Variants in PLAGL1 observed in about 807,000 individuals in gnomAD.
The protein encoded by PLAGL1 is zinc finger protein PLAGL1.
PLAGL1 carries 1 observed loss-of-function variant against 4.6 expected under a neutral mutation model. The observed-to-expected ratio is 0.22, with a 90% CI of 0.08 to 1.03. The LOEUF is 1.03. Among genes scored for constraint, PLAGL1 ranks in the 50% least tolerant of loss-of-function variants. PLAGL1 has a pLI of 0.58. For synonymous variants in PLAGL1, 240 were observed against 237.8 expected (o/e 1.01, Z -0.08); for missense variants, 464 against 570.4 (o/e 0.81, Z 1.90).
chr6:144,020,731 C>A (rs1795905745), intron 1 of PLAGL1, among the ~76,000 whole-genome samples: 1 of 149,744 alleles, frequency 6.7e-6, no homozygotes, highest in South Asian at 2.1e-4. Context: ...CAGGTATGAG[C>A]CACTGCACCC....
intron 1 of PLAGL1, among the ~76,000 whole-genome samples, chr6:143,996,613 CTT>C (rs113499225): frequency 1.8e-3 from 239 of 133,604 alleles, no homozygotes; most frequent in South Asian, 8.4e-3. Context: ...TATTTATTCC[CTT>C]TTTTTTTTTT....
rs572445785 is a variant in PLAGL1, at chr6:143,980,148, C to A, written c.-544+4987G>T. On this transcript the variant is annotated intron_variant, in intron 2 of 7. Transcript: ENST00000674357. ...TCTGCTTTAAAATCTGTCTTTACTA[C>A]TGGTTTTAAACTATTTGATTACGGT... 4.6e-5 allele frequency among the ~76,000 whole-genome samples: 7 copies of A among 152,192 alleles called. No individual in the cohort carries two copies. In the South Asian group the frequency reaches 8.3e-4, roughly 18 times the overall value.
intron 2 of PLAGL1, 114 bp from the exon 3 acceptor site, chr6:143,969,092 G>T (rs1784949571): frequency 1.3e-5 from 2 of 151,862 alleles, no homozygotes; most frequent in South Asian, 4.2e-4. Context: ...AAGGATACCA[G>T]GGGTCAAAAA....
chr6:143,981,025 G>T (rs1392344357), intron 2 of PLAGL1, among the ~76,000 whole-genome samples: 1 of 152,198 alleles, frequency 6.6e-6, no homozygotes, highest in Non-Finnish European at 1.5e-5. Flanking sequence ...GGGCAGAAGT[G>T]AGTAGTTAAA....
At chr6:144,062,694 T>G (rs1205645131) in intron 1 of PLAGL1, among the ~76,000 whole-genome samples, 1 of 152,102 alleles carries the variant, frequency 6.6e-6, no homozygotes, top group African/African-American at 2.4e-5. Context: ...TTGCAGCCTG[T>G]TTTCACATTA....
intron 1 of PLAGL1, among the ~76,000 whole-genome samples, chr6:144,001,245 C>G: frequency 6.6e-6 from 1 of 151,666 alleles, no homozygotes; most frequent in East Asian, 1.9e-4. Context: ...GAAAAAATCC[C>G]AATGCCAAAG....
chr6:143,996,708 T>C (rs946124486), intron 1 of PLAGL1, among the ~76,000 whole-genome samples: 1 of 148,908 alleles, frequency 6.7e-6, no homozygotes, highest in African/African-American at 2.5e-5. Context: ...AGAACAAGGA[T>C]ATAGAACTTA....
chr6:143,941,548 T>C lies in PLAGL1; in HGVS notation c.1268A>G (p.Gln423Arg). 6.4e-7 allele frequency: 1 copy of C among 1,567,960 alleles called. No individual in the cohort carries two copies. The highest frequency in any genetic ancestry group is 8.6e-7 in the Non-Finnish European group (1 of 1,156,426). Residue 423 changes from glutamine to arginine, a missense_variant, in exon 8 of 8, where the codon CAA becomes CGA. Physicochemically the swap from Gln to Arg is conservative, Grantham distance 43. Around this residue, in one of 4 missense-constraint regions of PLAGL1, gnomAD observed 248 missense variants for 250.1 expected, o/e 0.99. Coordinates refer to ENST00000674357, the MANE Select transcript of PLAGL1 (RefSeq NM_001317162.2). This position sits in a 1 kb window ranked among gnomAD's most constrained non-coding sequence, Gnocchi z 6.0. ...HRLSCLGQQQ[Q>R]EPPLAMGTVS... ...AGTGCCCATGGCAAGTGGGGGTTCT[T>C]GCTGCTGCTGCCCCAGACAGCTTAA...
At chr6:144,019,397 G>T (rs1795809190) in intron 1 of PLAGL1, among the ~76,000 whole-genome samples, 2 of 151,916 alleles carry the variant, frequency 1.3e-5, no homozygotes. Flanking sequence ...GCTCAAACCT[G>T]GGAGGCGGAG....
At position 144,016,279 on chromosome 6, in the gene PLAGL1, C is replaced by T. The variant is rs1795560957; in HGVS notation, c.-150-47301G>A. The stretch of plus-strand genomic sequence containing the variant: ...ATGTTAGAGGGCAGGAAGCATCCAG[C>T]ATGGGAGAAAGATGTAGGCTGGGAG... On this transcript the variant is annotated intron_variant, in intron 1 of 3. Transcript: ENST00000437412. This position sits in a 1 kb window ranked among gnomAD's most constrained non-coding sequence, Gnocchi z 4.2. Among the ~76,000 whole-genome samples the T allele has an allele frequency of 6.6e-6, 1 of 152,176 alleles. No homozygotes were observed. The highest frequency in any genetic ancestry group is 2.1e-4 in the South Asian group (1 of 4,826).
At chr6:144,023,413 G>C (rs529497129) in intron 1 of PLAGL1, among the ~76,000 whole-genome samples, 1 of 152,132 alleles carries the variant, frequency 6.6e-6, no homozygotes, top group Non-Finnish European at 1.5e-5. Context: ...AATGCAGACA[G>C]CGACAAAAGA....
rs370047012 is a variant in PLAGL1, at chr6:143,972,559, G to T, written c.-543-3581C>A. 1.2e-4 allele frequency among the ~76,000 whole-genome samples: 18 copies of T among 152,154 alleles called. No homozygotes were observed. The East Asian group carries it at 3.5e-3, about 29-fold the overall frequency. On this transcript the variant is annotated intron_variant, in intron 2 of 7. Transcript: ENST00000674357. This position sits in a 1 kb window ranked among gnomAD's most constrained non-coding sequence, Gnocchi z 6.8. ...AGTTTCTGTTTGACACACACTTCCAGTTACAATATCCCAAGAATATAAATA... is the reference window on the plus strand; with the variant it reads ...AGTTTCTGTTTGACACACACTTCCATTTACAATATCCCAAGAATATAAATA...
chr6:144,020,223 C>A (rs1396668812), intron 1 of PLAGL1, among the ~76,000 whole-genome samples: 1 of 152,184 alleles, frequency 6.6e-6, no homozygotes, highest in Admixed American at 6.5e-5. Flanking sequence ...AGCTCCCAGA[C>A]TGTGGGAAAT....
intron 1 of PLAGL1, among the ~76,000 whole-genome samples, chr6:144,014,140 A>G (rs1034269265): frequency 1.3e-5 from 2 of 152,184 alleles, no homozygotes; most frequent in African/African-American, 4.8e-5. Context: ...AATCAAGACA[A>G]TAGGGTAATG....
rs1409097225 is a variant in PLAGL1 at position 144,013,592 on chromosome 6, C to T, written c.-150-44614G>A. On this transcript the variant is annotated intron_variant, in intron 1 of 3. Coordinates refer to the PLAGL1 transcript ENST00000437412. The surrounding 1 kb of genome is among the most constrained non-coding windows in gnomAD (Gnocchi z 4.4). ...GAAATCAAGATATCAGCAAAGGCCG[C>T]AGGCGCCATCTAGTGGCTCTAGTGG... is the stretch of plus-strand genomic sequence containing the variant. Among the ~76,000 whole-genome samples the T allele has an allele frequency of 6.6e-6, 1 of 152,244 alleles. No homozygotes were observed. Among genetic ancestry groups the T allele is most frequent in the East Asian group, 1.9e-4 (1 of 5,202 alleles).
chr6:143,972,512 C>A lies in PLAGL1; in HGVS notation c.-543-3534G>T, dbSNP rs537268314. Among the ~76,000 whole-genome samples the A allele has an allele frequency of 1.3e-5, 2 of 152,078 alleles. No homozygotes were observed. Among genetic ancestry groups the A allele is most frequent in the African/African-American group, 4.8e-5 (2 of 41,410 alleles). On this transcript the variant is annotated intron_variant, in intron 2 of 7. Coordinates refer to ENST00000674357, the MANE Select transcript of PLAGL1 (RefSeq NM_001317162.2). This position sits in a 1 kb window ranked among gnomAD's most constrained non-coding sequence, Gnocchi z 6.8. ...ATTTATCAACTATTATAATGTCAGG[C>A]GCTAATCTTGGTCTGCTAGCCAGTT...
intron 1 of PLAGL1, among the ~76,000 whole-genome samples, chr6:144,047,250 G>A (rs1760070229): frequency 6.6e-6 from 1 of 152,154 alleles, no homozygotes; most frequent in South Asian, 2.1e-4. Flanking sequence ...ACCTCGGTTG[G>A]AAATGCAGAA....
At position 143,972,081 on chromosome 6, in the gene PLAGL1, A is replaced by G. The variant is rs1173482890; in HGVS notation, c.-543-3103T>C. 2.0e-5 allele frequency among the ~76,000 whole-genome samples: 3 copies of G among 152,240 alleles called. No individual in the cohort carries two copies. The highest frequency in any genetic ancestry group is 1.3e-4 in the Admixed American group (2 of 15,288). ...TAAAAAGCAATAGCAACAATCAGGT[A>G]ACAGCAGACCAATCAGGTTCTCCCA... On this transcript the variant is annotated intron_variant, in intron 2 of 7. Coordinates refer to ENST00000674357, the MANE Select transcript of PLAGL1 (RefSeq NM_001317162.2). This position sits in a 1 kb window ranked among gnomAD's most constrained non-coding sequence, Gnocchi z 6.8.
upstream of PLAGL1, among the ~76,000 whole-genome samples, chr6:144,009,892 C>G (rs917895885): frequency 2.0e-5 from 3 of 152,166 alleles, no homozygotes; most frequent in Non-Finnish European, 4.4e-5. Context: ...TGTATATGTG[C>G]CACATTTTCT....
Sources: gnomAD v4.1 joint callset for allele counts (sites outside exome capture counted in the v4.1 genomes callset) on GRCh38, gnomAD v4.1.1 for gene constraint, gnomAD v4.1.1 regional missense constraint, Gnocchi (gnomAD v3.1) non-coding constraint, MANE v1.5 for transcripts, NCBI Gene and HGNC (gene_info 2026-07-23, HGNC 2026-07-21) for gene names.